Variants in ADGRL2 observed in about 807,000 individuals in gnomAD.
ADGRL2 encodes adhesion G protein-coupled receptor L2.
Under a neutral mutation model 157.4 loss-of-function variants are expected in ADGRL2, and 44 were observed. The observed-to-expected ratio is 0.28, with a 90% CI of 0.22 to 0.36. ADGRL2 has a LOEUF of 0.36. Ranked by LOEUF, ADGRL2 falls within the 10% of genes least tolerant of loss-of-function variation. The pLI is 1.00. For synonymous variants in ADGRL2, 585 were observed against 624.7 expected (o/e 0.94, Z 0.95); for missense variants, 1,510 against 1,768.9 (o/e 0.85, Z 2.63).
At chr1:81,696,241 A>G (rs1432651378), upstream of ADGRL2, among the ~76,000 whole-genome samples, 1 of 152,026 alleles carries the variant, frequency 6.6e-6, no homozygotes, top group East Asian at 1.9e-4. Context: ...TTCAACAAAT[A>G]TGTTTAGAGT....
intron 2 of ADGRL2, among the ~76,000 whole-genome samples, chr1:81,896,882 AT>A (rs1406572843): frequency 1.3e-5 from 2 of 152,116 alleles, no homozygotes; most frequent in Non-Finnish European, 2.9e-5. Flanking sequence ...TAACATCTTT[AT>A]TTTGTCACTC....
chr1:81,396,614 G>A (rs1226345841), intron 1 of ADGRL2, among the ~76,000 whole-genome samples: 1 of 152,162 alleles, frequency 6.6e-6, no homozygotes, highest in Non-Finnish European at 1.5e-5. Flanking sequence ...TCTCAGTTCA[G>A]ATGTTAACTG....
chr1:81,400,711 C>A (rs1032339422), intron 1 of ADGRL2, among the ~76,000 whole-genome samples: 11 of 152,132 alleles, frequency 7.2e-5, no homozygotes, highest in Non-Finnish European at 1.3e-4. Context: ...CCCAGAATGG[C>A]TGGACACAGC....
intron 1 of ADGRL2, among the ~76,000 whole-genome samples, chr1:81,309,503 T>C (rs572053522): frequency 1.3e-5 from 2 of 152,290 alleles, no homozygotes; most frequent in East Asian, 3.9e-4. Flanking sequence ...TAATTATCTC[T>C]GATGACTAGT....
intron 1 of ADGRL2, among the ~76,000 whole-genome samples, chr1:81,349,217 T>G (rs1662696971): frequency 6.6e-6 from 1 of 152,152 alleles, no homozygotes; most frequent in Non-Finnish European, 1.5e-5. Flanking sequence ...ACCAGGGCAG[T>G]CTGCATTCCT....
chr1:81,522,502 G>A (rs12075029), intron 2 of ADGRL2, among the ~76,000 whole-genome samples: 4,985 of 152,246 alleles, frequency 0.033, 129 homozygotes, highest in African/African-American at 0.069. Context: ...TGCACAGTTG[G>A]CTTATGTGGC....
intron 2 of ADGRL2, among the ~76,000 whole-genome samples, chr1:81,528,646 C>CAAAAAAAAAA (rs59842382): frequency 3.5e-4 from 40 of 114,642 alleles, no homozygotes; most frequent in African/African-American, 9.4e-4. Context: ...GACTCCATCT[C>CAAAAAAAAAA]AAAAAAAAAA....
intron 1 of ADGRL2, among the ~76,000 whole-genome samples, chr1:81,833,977 ATTGT>A (rs2092123292): frequency 6.6e-6 from 1 of 152,162 alleles, no homozygotes; most frequent in South Asian, 2.1e-4. Flanking sequence ...TTAGGATGAA[ATTGT>A]TTGAATCTTA....
chr1:81,990,711 C>A lies in ADGRL2; in HGVS notation c.3976C>A (p.Leu1326Met). The change falls in exon 24 of 24, where the codon CTG becomes ATG. Residue 1326 changes from leucine to methionine, a missense_variant. This residue lies in a region of ADGRL2 where 327 missense variants were observed against 310.1 expected (regional missense o/e 1.05). Transcript: ENST00000686636. ...TTTAATGCACAGCGACAACCCAGGG[C>A]TGGAGCTCCATCACAAAGAACTCGA... Reference protein sequence around the residue: ...SSLMHSDNPGLELHHKELEAP... With the variant: ...SSLMHSDNPGMELHHKELEAP... The A allele has an allele frequency of 6.2e-7, 1 of 1,614,108 alleles. No individual in the cohort carries two copies. The highest frequency in any genetic ancestry group is 8.5e-7 in the Non-Finnish European group (1 of 1,180,010).
intron 1 of ADGRL2, among the ~76,000 whole-genome samples, chr1:81,333,405 TAA>T (rs1661406989): frequency 5.1e-5 from 6 of 118,042 alleles, no homozygotes; most frequent in East Asian, 2.0e-4. Flanking sequence ...ATTAATTAAT[TAA>T]TTAATTTATT....
At chr1:81,702,992 A>G (rs964318880) in intron 1 of ADGRL2, among the ~76,000 whole-genome samples, 2 of 152,206 alleles carry the variant, frequency 1.3e-5, no homozygotes, top group African/African-American at 4.8e-5. Context: ...TGAAGAAAGC[A>G]TGTAACCCAG....
chr1:81,540,265 A>T (rs1307469360), intron 2 of ADGRL2, among the ~76,000 whole-genome samples: 1 of 152,212 alleles, frequency 6.6e-6, no homozygotes, highest in Non-Finnish European at 1.5e-5. Flanking sequence ...AACTCATTCC[A>T]ATTTTATAAA....
chr1:81,670,689 T>C (rs577402225), intron 3 of ADGRL2, among the ~76,000 whole-genome samples: 1 of 152,308 alleles, frequency 6.6e-6, no homozygotes, highest in East Asian at 1.9e-4. Context: ...TCGAAAAGAC[T>C]CTGTTTCACA....
At chr1:81,815,048 A>T (rs2090255504) in intron 1 of ADGRL2, among the ~76,000 whole-genome samples, 1 of 151,896 alleles carries the variant, frequency 6.6e-6, no homozygotes, top group Admixed American at 6.6e-5. Context: ...TTTGTGTGTT[A>T]TACATTTTAA....
chr1:81,990,648 A>G lies in ADGRL2; in HGVS notation c.3913A>G (p.Ser1305Gly), dbSNP rs146227933. The change falls in exon 24 of 24, where the codon AGC (serine) becomes GGC (glycine). Residue 1305 changes from serine to glycine, a missense_variant. Ser to Gly is a moderately conservative substitution (Grantham distance 56). Transcript: ENST00000686636. The stretch of plus-strand genomic sequence containing the variant: ...AGTCAAACCTGTGATTGGAGGTAGC[A>G]GCAGTGAAGATGATGCTATTGTGGC... ...LPVKPVIGGSSSEDDAIVADA... is the reference protein window; with the variant it reads ...LPVKPVIGGSGSEDDAIVADA... 351 of 1,614,200 alleles carry G rather than the reference A, an allele frequency of 2.2e-4. 4 individuals carry two copies. The East Asian group carries it at 7.0e-3, about 32-fold the overall frequency.
intron 1 of ADGRL2, among the ~76,000 whole-genome samples, chr1:81,412,963 A>G (rs2076972583): frequency 6.6e-6 from 1 of 152,188 alleles, no homozygotes; most frequent in African/African-American, 2.4e-5. Flanking sequence ...TTTAATGGCC[A>G]TTAATGATGA....
chr1:81,749,894 A>G (rs1571065919), intron 1 of ADGRL2, among the ~76,000 whole-genome samples: 1 of 152,154 alleles, frequency 6.6e-6, no homozygotes, highest in South Asian at 2.1e-4. Flanking sequence ...TAATTGGCCA[A>G]TTTCCCTGAG....
At chr1:81,371,858 G>A (rs763510708) in intron 1 of ADGRL2, among the ~76,000 whole-genome samples, 18 of 152,040 alleles carry the variant, frequency 1.2e-4, no homozygotes, top group Non-Finnish European at 2.4e-4. Flanking sequence ...TAATTGCTGG[G>A]AATATTGAAA....
intron 2 of ADGRL2, among the ~76,000 whole-genome samples, chr1:81,484,138 G>GGTCTTAAATCAAATCAAAATCC (rs1251287228): frequency 6.6e-6 from 1 of 152,074 alleles, no homozygotes; most frequent in Non-Finnish European, 1.5e-5. Flanking sequence ...TTTTGGTCTT[G>GGTCTTAAATCAAATCAAAATCC]CTTTTATAAA....
Sources: gnomAD v4.1 joint callset for allele counts (sites outside exome capture counted in the v4.1 genomes callset) on GRCh38, gnomAD v4.1.1 for gene constraint, gnomAD v4.1.1 regional missense constraint, MANE v1.5 for transcripts, NCBI Gene and HGNC (gene_info 2026-07-23, HGNC 2026-07-21) for gene names.